Variants in EYA4 observed in about 807,000 individuals in gnomAD.
EYA4 encodes the protein protein phosphatase EYA4.
EYA4 carries 31 observed loss-of-function variants against 87.9 expected under a neutral mutation model. That is an observed-to-expected ratio of 0.35 (90% CI 0.27 to 0.48). The LOEUF (loss-of-function observed/expected upper bound fraction) is 0.48. EYA4 is among the 20% of genes least tolerant of loss of function. The pLI is 0.99. For synonymous variants in EYA4, 263 were observed against 270.6 expected (o/e 0.97, Z 0.28); for missense variants, 678 against 761.4 (o/e 0.89, Z 1.29).
intron 3 of EYA4, among the ~76,000 whole-genome samples, chr6:133,385,933 AGAT>A (rs1449782365): frequency 2.0e-5 from 3 of 152,230 alleles, no homozygotes; most frequent in Admixed American, 2.0e-4. Context: ...AGTATAAGCC[AGAT>A]GTCAGGAATA....
chr6:133,318,975 G>C (rs1780838098), intron 2 of EYA4, among the ~76,000 whole-genome samples: 1 of 152,166 alleles, frequency 6.6e-6, no homozygotes, highest in Non-Finnish European at 1.5e-5. Context: ...CAGTGAATCT[G>C]GTTATAGGAG....
At chr6:133,457,520 G>A (rs1337352810) in intron 6 of EYA4, among the ~76,000 whole-genome samples, 1 of 152,060 alleles carries the variant, frequency 6.6e-6, no homozygotes, top group Non-Finnish European at 1.5e-5. Context: ...TGTAAAAATA[G>A]TTGAGATATG....
chr6:133,512,599 T>C, intron 14 of EYA4, 122 bp from the exon 15 acceptor site: 2 of 798,522 alleles, frequency 2.5e-6, no homozygotes, highest in South Asian at 2.8e-5. Context: ...GGCAATGAGA[T>C]GGACGGGCAC....
chr6:133,299,702 A>G (rs1779216690), intron 2 of EYA4, among the ~76,000 whole-genome samples: 1 of 150,136 alleles, frequency 6.7e-6, no homozygotes, highest in African/African-American at 2.5e-5. Flanking sequence ...ACAGAGTGAG[A>G]CTCTGTCTCA....
At position 133,513,001 on chromosome 6, in the gene EYA4, A is replaced by T; in HGVS notation, c.1464A>T (p.Val488=). The change falls in exon 16 of 20, where the codon GTA becomes GTT. Residue 488 remains valine (V), a synonymous_variant. Coordinates refer to ENST00000355286, the MANE Select transcript of EYA4 (RefSeq NM_004100.5). ...MRKLAFRYRR[V]KELYNTYKNN... is the part of the protein sequence containing the mutation. ...AGTTGGCTTTTCGTTACAGAAGAGTAAAAGAATTATATAACACCTACAAGA... is the reference window on the plus strand; with the variant it reads ...AGTTGGCTTTTCGTTACAGAAGAGTTAAAGAATTATATAACACCTACAAGA... The T allele has an allele frequency of 2.5e-6, 4 of 1,614,120 alleles. No homozygotes were observed. The East Asian group carries it at 8.9e-5, about 36-fold the overall frequency.
intron 2 of EYA4, among the ~76,000 whole-genome samples, chr6:133,283,923 G>A (rs1433614302): frequency 1.3e-5 from 2 of 152,016 alleles, no homozygotes; most frequent in Admixed American, 1.3e-4. Flanking sequence ...CCATTTATAA[G>A]TGAAAATATG....
chr6:133,460,086 T>C (rs948702933), intron 6 of EYA4, among the ~76,000 whole-genome samples: 12 of 152,146 alleles, frequency 7.9e-5, no homozygotes, highest in Non-Finnish European at 1.5e-4. Context: ...TTTGTCACTT[T>C]TACAATTCTA....
intron 2 of EYA4, among the ~76,000 whole-genome samples, chr6:133,366,432 A>G (rs1175696857): frequency 6.6e-6 from 1 of 152,178 alleles, no homozygotes; most frequent in African/African-American, 2.4e-5. Flanking sequence ...CCTACACTAT[A>G]TAGACAGTAG....
At chr6:133,515,773 AAAG>A (rs1257767881) in intron 17 of EYA4, among the ~76,000 whole-genome samples, 1 of 152,182 alleles carries the variant, frequency 6.6e-6, no homozygotes, top group Non-Finnish European at 1.5e-5. Flanking sequence ...TCTAATGAAA[AAAG>A]AAAGAGAACT....
At chr6:133,245,810 A>G (rs1774360816) in intron 1 of EYA4, among the ~76,000 whole-genome samples, 2 of 152,234 alleles carry the variant, frequency 1.3e-5, no homozygotes, top group South Asian at 4.1e-4. Flanking sequence ...AGTACAAGCA[A>G]CTTTGATTGC....
At chr6:133,475,427 A>G (rs527864522) in intron 11 of EYA4, among the ~76,000 whole-genome samples, 5 of 152,074 alleles carry the variant, frequency 3.3e-5, no homozygotes, top group Non-Finnish European at 7.4e-5. Context: ...ACTTTGACAA[A>G]CATTACAATA....
chr6:133,420,424 A>T (rs1790119624), intron 3 of EYA4, among the ~76,000 whole-genome samples: 1 of 152,214 alleles, frequency 6.6e-6, no homozygotes, highest in African/African-American at 2.4e-5. Context: ...TCAAACATAC[A>T]TTATTCTTCA....
At chr6:133,422,599 A>G (rs1363183320) in intron 3 of EYA4, among the ~76,000 whole-genome samples, 2 of 152,234 alleles carry the variant, frequency 1.3e-5, no homozygotes, top group Non-Finnish European at 2.9e-5. Context: ...GAAACAGAAA[A>G]GAGGAATTTG....
intron 3 of EYA4, among the ~76,000 whole-genome samples, chr6:133,403,084 C>A (rs1192584629): frequency 1.3e-5 from 2 of 151,940 alleles, no homozygotes; most frequent in East Asian, 3.9e-4. Context: ...GCATCAAGTG[C>A]TATTTTTATT....
rs894053783 is a variant in EYA4, at chr6:133,529,137, C to T, written c.*332C>T. On this transcript the variant is annotated 3_prime_UTR_variant, in exon 20 of 20. Transcript: ENST00000355286. ...TGGCAAAGCAGCAACACACATGCTC[C>T]GTCTGACAAGGTGGTCAACAACATT... 13 of 1,185,948 alleles carry T rather than the reference C, an allele frequency of 1.1e-5. No individual in the cohort carries two copies. Among genetic ancestry groups the T allele is most frequent in the African/African-American group, 1.6e-5 (1 of 62,720 alleles). The allele number at this position is 1,185,948 out of a possible 1,614,324, so 73.5% of individuals were successfully genotyped here. A position where few individuals can be genotyped will look rare whatever the true frequency, so the allele number is the denominator to read the frequency against.
Position 133,274,738 on chromosome 6 carries a change from A to T in EYA4, c.-43A>T, listed in dbSNP as rs895844278. 7.6e-6 allele frequency: 12 copies of T among 1,573,750 alleles called. No homozygotes were observed. Among genetic ancestry groups the T allele is most frequent in the Non-Finnish European group, 9.6e-6 (11 of 1,143,712 alleles). On this transcript the variant is annotated 5_prime_UTR_variant, in exon 2 of 20. In the 5' UTR this introduces an upstream ATG that the reference lacks. Transcript: ENST00000355286. ...TAGATAGTCATTTTTACTTGAAGGA[A>T]GCTGCTTCTACTTGGGAGTGGCAGG...
intron 13 of EYA4, among the ~76,000 whole-genome samples, chr6:133,496,754 G>A (rs940334375): frequency 2.0e-5 from 3 of 152,040 alleles, no homozygotes; most frequent in African/African-American, 4.8e-5. Context: ...GACACTACAC[G>A]GTGAAAACTA....
intron 1 of EYA4, among the ~76,000 whole-genome samples, chr6:133,269,136 G>A (rs1202842420): frequency 6.6e-6 from 1 of 152,138 alleles, no homozygotes; most frequent in Non-Finnish European, 1.5e-5. Flanking sequence ...GCACGCTCCT[G>A]TAGTCCCAGC....
intron 2 of EYA4, among the ~76,000 whole-genome samples, chr6:133,320,082 TTGTATTTG>T (rs1780958471): frequency 6.6e-6 from 1 of 152,126 alleles, no homozygotes; most frequent in East Asian, 1.9e-4. Context: ...TTTACATTTA[TTGTATTTG>T]TGTGTTTGTA....
Sources: gnomAD v4.1 joint callset for allele counts (sites outside exome capture counted in the v4.1 genomes callset) on GRCh38, gnomAD v4.1.1 for gene constraint, MANE v1.5 for transcripts, NCBI Gene and HGNC (gene_info 2026-07-23, HGNC 2026-07-21) for gene names.